The following SLC26A9 variants were observed in gnomAD, a reference collection of about 807,000 sequenced individuals.
The protein encoded by SLC26A9 is solute carrier family 26 member 9, also known as anion transporter/exchanger protein 9.
In SLC26A9, 46 loss-of-function variants were observed where a neutral mutation model predicts 87.1. The ratio of observed to expected loss-of-function variants is 0.53; its 90% CI spans 0.42 to 0.67. The LOEUF (loss-of-function observed/expected upper bound fraction) is 0.67, where lower values mean the gene tolerates loss of function less well. Among genes scored for constraint, SLC26A9 ranks in the 30% least tolerant of loss-of-function variants. SLC26A9 has a pLI of 0.00. For synonymous variants in SLC26A9, 437 were observed against 409.1 expected (o/e 1.07, Z -0.82); for missense variants, 927 against 1,018.3 (o/e 0.91, Z 1.22).
rs149715715 is a variant in SLC26A9 at position 205,928,037 on chromosome 1, C to A, written c.966G>T (p.Pro322=). The A allele has an allele frequency of 3.7e-6, 6 of 1,613,812 alleles. No individual in the cohort carries two copies. The South Asian group carries it at 5.5e-5, about 15-fold the overall frequency. Residue 322 remains proline, a synonymous_variant, in exon 9 of 21, where the codon CCG becomes CCT. Coordinates refer to ENST00000367135, the MANE Select transcript of SLC26A9 (RefSeq NM_052934.4). ...VGEIQRGFPT[P]VSPVVSQWKD... ...TCCACTGTGAGACCACAGGCGACACCGGGGTGGGGAACCTGCCGAGGAGCC... is the reference window on the plus strand; with the variant it reads ...TCCACTGTGAGACCACAGGCGACACAGGGGTGGGGAACCTGCCGAGGAGCC...
At chr1:205,922,230 G>T (rs189462816) in intron 16 of SLC26A9, among the ~76,000 whole-genome samples, 100 of 152,252 alleles carry the variant, frequency 6.6e-4, no homozygotes, top group African/African-American at 2.3e-3. Context: ...TCTGCCTCCC[G>T]GGTTCAAGTG....
rs1011848123 is a variant in SLC26A9, at chr1:205,926,588, G to A, written c.1336C>T (p.Leu446Phe). ...ALIAVNLKNS[L>F]KQLTDPYYLW... ...TAGTAGGGGTCGGTGAGTTGCTTGA[G>A]GGAGTTCTTGAGATTGACAGCGATC... Residue 446 changes from leucine to phenylalanine, a missense_variant, in exon 12 of 21, where the codon CTC (leucine) becomes TTC (phenylalanine). Transcript: ENST00000367135. 1 of 1,614,126 alleles carries A rather than the reference G, an allele frequency of 6.2e-7. No individual in the cohort carries two copies. The highest frequency in any genetic ancestry group is 8.5e-7 in the Non-Finnish European group (1 of 1,180,018).
chr1:205,923,196 C>G lies in SLC26A9; in HGVS notation c.1660-1G>C. 6.2e-7 allele frequency: 1 copy of G among 1,614,132 alleles called. No homozygotes were observed. The highest frequency in any genetic ancestry group is 8.5e-7 in the Non-Finnish European group (1 of 1,179,988). ...ATACTTTCTGGGGGTCCATGCCTGT[C>G]TGCAGGGAGAGAGCCAACAGCAATC... is the stretch of plus-strand genomic sequence containing the variant. On this transcript the variant is annotated splice_acceptor_variant, in intron 15 of 20. Transcript: ENST00000367135. LOFTEE classifies it high-confidence loss of function.
Position 205,927,271 on chromosome 1 carries a change from C to T in SLC26A9, c.1233G>A (p.Val411=), listed in dbSNP as rs1193951044. 6.2e-7 allele frequency: 1 copy of T among 1,614,018 alleles called. No individual in the cohort carries two copies. The highest frequency in any genetic ancestry group is 1.3e-5 in the African/African-American group (1 of 74,902). Residue 411 remains valine, a synonymous_variant, in exon 11 of 21, where the codon GTG becomes GTA. Transcript: ENST00000367135. ...GGKSQVASLC[V]SLVVMITMLV... is the part of the protein sequence containing the mutation. ...GCATGGTGATCATCACCACCAGAGA[C>T]ACACACAGGCTGGCCACCTATTCCG...
In SLC26A9 at chr1:205,921,760, T is replaced by A; in HGVS notation, c.1861A>T (p.Ser621Cys). The change falls in exon 17 of 21, where the codon AGC becomes TGC. Residue 621 changes from serine (S) to cysteine (C), a missense_variant. Physicochemically the swap from Ser to Cys is moderately radical, Grantham distance 112. Coordinates refer to ENST00000367135, the MANE Select transcript of SLC26A9 (RefSeq NM_052934.4). ...NNNQTPANGT[S>C]VSYITFSPDS... ...GGGCTGAAGGTGATATAGGACACGC[T>A]GGTGCCGTTAGCCGGGGTCTGGTTG... 6.3e-7 allele frequency: 1 copy of A among 1,599,746 alleles called. No homozygotes were observed. Among genetic ancestry groups the A allele is most frequent in the Non-Finnish European group, 8.5e-7 (1 of 1,173,488 alleles).
chr1:205,924,329 G>T lies in SLC26A9; in HGVS notation c.1496+54C>A, dbSNP rs746151733. On this transcript the variant is annotated intron_variant, in intron 13 of 20. Coordinates refer to ENST00000367135, the MANE Select transcript of SLC26A9 (RefSeq NM_052934.4). ...AGGCCGTGGCATGGAAGCCCTTTGC[G>T]GGCTGGCCCAGGGAACCGACTGTGG... is the stretch of plus-strand genomic sequence containing the variant. 4.5e-5 allele frequency: 70 copies of T among 1,544,614 alleles called. No individual in the cohort carries two copies. In the East Asian group the frequency reaches 1.5e-3, roughly 34 times the overall value.
rs1206698965 is a variant in SLC26A9 at position 205,938,105 on chromosome 1, C to A, written c.-18-2267G>T. Among the ~76,000 whole-genome samples, 4 of 152,002 alleles carry A rather than the reference C, an allele frequency of 2.6e-5. No individual in the cohort carries two copies. In the East Asian group the frequency reaches 7.7e-4, roughly 29 times the overall value. On this transcript the variant is annotated intron_variant, in intron 1 of 20. Transcript: ENST00000367135. ...TCTGATTCCGCTGAACCCTACTATC[C>A]CAGCCCCCGTCCCCAGGATTTCCCC...
chr1:205,925,161 T>C (rs749435015), intron 12 of SLC26A9, among the ~76,000 whole-genome samples: 4 of 152,172 alleles, frequency 2.6e-5, no homozygotes, highest in Non-Finnish European at 5.9e-5. Flanking sequence ...ATGAAAGGAT[T>C]CAAAAGTTAA....
chr1:205,915,524 G>C, intron 20 of SLC26A9, 120 bp from the exon 21 acceptor site: 1 of 591,010 alleles, frequency 1.7e-6, no homozygotes, highest in Non-Finnish European at 2.6e-6. Flanking sequence ...GCACCTGTGT[G>C]TGTGTGTGTG....
At chr1:205,932,207 T>C (rs1384853833) in intron 4 of SLC26A9, among the ~76,000 whole-genome samples, 172 bp from the exon 5 acceptor site, 1 of 152,248 alleles carries the variant, frequency 6.6e-6, no homozygotes, top group East Asian at 1.9e-4. Context: ...TCTATGCTTT[T>C]CAAGGTGCTT....
At chr1:205,927,645 G>C (rs752393204) in intron 9 of SLC26A9, 40 bp from the exon 10 acceptor site, 16 of 1,569,818 alleles carry the variant, frequency 1.0e-5, no homozygotes, top group Middle Eastern at 1.7e-4. Context: ...GTGTGGGGCT[G>C]GGGGGCACGG....
intron 19 of SLC26A9, 123 bp from the exon 20 acceptor site, chr1:205,917,477 T>C: frequency 1.1e-6 from 1 of 899,810 alleles, no homozygotes; most frequent in Non-Finnish European, 1.8e-6. Flanking sequence ...ACACATGACT[T>C]ATCCTCTTGC....
intron 1 of SLC26A9, among the ~76,000 whole-genome samples, chr1:205,940,964 C>A (rs1260807404): frequency 1.3e-5 from 2 of 152,188 alleles, no homozygotes; most frequent in African/African-American, 4.8e-5. Context: ...GAGGTTTCCC[C>A]TTTGCTCTAG....
intron 1 of SLC26A9, among the ~76,000 whole-genome samples, chr1:205,942,849 T>C (rs1474136676): frequency 6.6e-6 from 1 of 152,106 alleles, no homozygotes; most frequent in Non-Finnish European, 1.5e-5. Flanking sequence ...TGGGATTCTG[T>C]GTAGTCCATG....
intron 12 of SLC26A9, 116 bp from the exon 13 acceptor site, chr1:205,924,605 CT>C (rs540015689): frequency 2.2e-5 from 17 of 769,362 alleles, no homozygotes; most frequent in East Asian, 1.4e-4. Flanking sequence ...CCTCTCTTCT[CT>C]TTTTTTTCTT....
intron 1 of SLC26A9, among the ~76,000 whole-genome samples, chr1:205,936,602 CT>C (rs1558129729): frequency 2.0e-5 from 3 of 152,088 alleles, no homozygotes. Context: ...CTGTAGGAAC[CT>C]TTCCCCCTCC....
intron 11 of SLC26A9, 84 bp from the exon 12 acceptor site, chr1:205,926,714 C>G (rs1460100150): frequency 2.7e-6 from 3 of 1,100,462 alleles, no homozygotes; most frequent in Non-Finnish European, 4.1e-6. Context: ...CAAGGCCTGG[C>G]AGGACAGAGA....
At position 205,914,909 on chromosome 1, in the gene SLC26A9, T is replaced by C. The variant is rs1658512313; in HGVS notation, c.*448A>G. ...GTTTATCCCTATGTCCGTGACAGCC[T>C]GACACCATCTGACACCGAGCCGTGT... On this transcript the variant is annotated 3_prime_UTR_variant, in exon 21 of 21. Coordinates refer to ENST00000367135, the MANE Select transcript of SLC26A9 (RefSeq NM_052934.4). The C allele has an allele frequency of 6.2e-7, 1 of 1,612,958 alleles. No homozygotes were observed. Among genetic ancestry groups the C allele is most frequent in the Non-Finnish European group, 8.5e-7 (1 of 1,179,348 alleles).
chr1:205,940,657 G>A (rs1458234986), intron 1 of SLC26A9, among the ~76,000 whole-genome samples: 3 of 152,102 alleles, frequency 2.0e-5, no homozygotes, highest in Non-Finnish European at 2.9e-5. Flanking sequence ...ATTTTCCCAG[G>A]ACTTGATGAG....
Sources: allele counts gnomAD v4.1 joint callset (sites outside exome capture counted in the v4.1 genomes callset), GRCh38; gene constraint gnomAD v4.1.1; transcripts MANE v1.5; gene names NCBI Gene and HGNC (gene_info 2026-07-23, HGNC 2026-07-21).